Variants in CD8B observed in about 807,000 individuals in gnomAD.
The protein encoded by CD8B is CD8 subunit beta.
A neutral mutation model predicts 24.2 loss-of-function variants in CD8B; 6 were observed. The ratio of observed to expected loss-of-function variants is 0.25; its 90% confidence interval spans 0.14 to 0.49. The LOEUF (loss-of-function observed/expected upper bound fraction) is 0.49, where lower values mean the gene tolerates loss of function less well. Among genes scored for constraint, CD8B ranks in the 20% least tolerant of loss-of-function variants. CD8B has a pLI of 0.98. For synonymous variants in CD8B, 84 were observed against 108.3 expected (o/e 0.78, Z 1.39); for missense variants, 196 against 271.3 (o/e 0.72, Z 1.95).
In CD8B at chr2:86,846,634, C is replaced by T. The variant is rs1003321045; in HGVS notation, c.583+50G>A. On this transcript the variant is annotated intron_variant, in intron 4 of 5. Coordinates refer to ENST00000390655, the MANE Select transcript of CD8B (RefSeq NM_004931.5). ...TAGAGAAGAAAATATCCCAGGGACA[C>T]TTCAAACAGCAAACAGGGACACCCA... The T allele has an allele frequency of 1.7e-5, 15 of 897,634 alleles. No individual in the cohort carries two copies. The Admixed American group carries it at 3.6e-4, about 22-fold the overall frequency. 55.6% of individuals were successfully genotyped at this position (897,634 alleles called of 1,614,324 possible).
In CD8B at chr2:86,818,688, C is replaced by T. The variant is rs577820219; in HGVS notation, c.621-2970G>A. On this transcript the variant is annotated intron_variant, in intron 5 of 5. Coordinates refer to the CD8B transcript ENST00000331469. ...TCCTTCTCCTTAGGCCCCCCTATGCCCTGAGCCACAAAAATATTAAAATTA... is the reference window on the plus strand; with the variant it reads ...TCCTTCTCCTTAGGCCCCCCTATGCTCTGAGCCACAAAAATATTAAAATTA... 7.9e-5 allele frequency among the ~76,000 whole-genome samples: 12 copies of T among 152,264 alleles called. No homozygotes were observed. The South Asian group carries it at 2.5e-3, about 32-fold the overall frequency.
chr2:86,821,929 G>T (rs1189254918), intron 5 of CD8B, among the ~76,000 whole-genome samples: 1 of 152,122 alleles, frequency 6.6e-6, no homozygotes, highest in East Asian at 1.9e-4. Context: ...CTCTGATTTT[G>T]AAGGGCTGGC....
intron 5 of CD8B, among the ~76,000 whole-genome samples, chr2:86,819,238 G>C (rs1045428033): frequency 4.6e-5 from 7 of 152,158 alleles, no homozygotes; most frequent in Admixed American, 6.5e-5. Context: ...CAGCACAGCA[G>C]GTTATCCAAA....
At chr2:86,823,272 AAAAT>A (rs1674547241) in intron 5 of CD8B, among the ~76,000 whole-genome samples, 1 of 152,112 alleles carries the variant, frequency 6.6e-6, no homozygotes, top group African/African-American at 2.4e-5. Context: ...AAACTTAAAA[AAAAT>A]TTTTAATTAA....
In CD8B at chr2:86,841,992, A is replaced by G. The variant is rs1425997032; in HGVS notation, c.*315T>C. 2 of 1,118,000 alleles carry G rather than the reference A, an allele frequency of 1.8e-6. No homozygotes were observed. Among genetic ancestry groups the G allele is most frequent in the African/African-American group, 3.3e-5 (2 of 61,250 alleles). The allele number at this position is 1,118,000 out of a possible 1,614,324, so 69.3% of individuals were successfully genotyped here. The stretch of plus-strand genomic sequence containing the variant: ...AGATGGTGGCTAAATGGCCACCACT[A>G]AAGGTCCCAGTTCAGGGAAAGCACA... On this transcript the variant is annotated 3_prime_UTR_variant, in exon 6 of 6. Transcript: ENST00000390655.
chr2:86,824,677 C>T (rs1674607907), intron 5 of CD8B, among the ~76,000 whole-genome samples: 1 of 152,108 alleles, frequency 6.6e-6, no homozygotes, highest in South Asian at 2.1e-4. Context: ...AGCTCACCAT[C>T]AGAGGTGGAA....
intron 3 of CD8B, among the ~76,000 whole-genome samples, chr2:86,847,794 G>A (rs950429926): frequency 3.3e-5 from 5 of 152,142 alleles, no homozygotes; most frequent in Non-Finnish European, 4.4e-5. Flanking sequence ...TCAATCTCCT[G>A]GCCTCAAGTG....
At position 86,858,246 on chromosome 2, in the gene CD8B, G is replaced by C. The variant is rs1486058695; in HGVS notation, c.214C>G (p.Leu72Val). 6.2e-7 allele frequency: 1 copy of C among 1,613,892 alleles called. No homozygotes were observed. Among genetic ancestry groups the C allele is most frequent in the East Asian group, 2.2e-5 (1 of 44,896 alleles). Residue 72 changes from leucine (L) to valine (V), a missense_variant, in exon 2 of 6, where the codon CTC (leucine) becomes GTC (valine). Coordinates refer to ENST00000390655, the MANE Select transcript of CD8B (RefSeq NM_004931.5). The part of the protein sequence containing the change: ...SSDSHHEFLA[L>V]WDSAKGTIHG... ...ATAGTCCCTTTTGCGGAATCCCAGA[G>C]GGCCAGGAACTCGTGGTGACTGTCA...
intron 5 of CD8B, among the ~76,000 whole-genome samples, chr2:86,830,308 T>C (rs1674857178): frequency 6.6e-6 from 1 of 152,166 alleles, no homozygotes; most frequent in South Asian, 2.1e-4. Flanking sequence ...GGGCCAGGCA[T>C]GGTGGCTCAC....
At chr2:86,856,256 C>G (rs564649068) in intron 2 of CD8B, among the ~76,000 whole-genome samples, 4 of 152,050 alleles carry the variant, frequency 2.6e-5, no homozygotes, top group Non-Finnish European at 4.4e-5. Context: ...GGGATGGAGG[C>G]GGTGGGAAGC....
At position 86,840,765 on chromosome 2, in the gene CD8B, C is replaced by G. The variant is rs1221976990; in HGVS notation, c.*1542G>C. On this transcript the variant is annotated 3_prime_UTR_variant, in exon 6 of 6. Transcript: ENST00000390655. ...GCCAAGGACCTGGACAACTTACACT[C>G]AAGGCCCTCCTTCCGGTAACACTGC... 1.3e-5 allele frequency among the ~76,000 whole-genome samples: 2 copies of G among 152,126 alleles called. No homozygotes were observed. Among genetic ancestry groups the G allele is most frequent in the Non-Finnish European group, 2.9e-5 (2 of 68,022 alleles).
At chr2:86,858,886 T>G (rs2104585408) in intron 1 of CD8B, among the ~76,000 whole-genome samples, 1 of 152,178 alleles carries the variant, frequency 6.6e-6, no homozygotes, top group African/African-American at 2.4e-5. Context: ...GCTGAGAGTA[T>G]AGGCATGTAC....
chr2:86,845,067 TCCCTGGTCCCAGA>T (rs1185383133), intron 4 of CD8B, 109 bp from the exon 5 acceptor site: 1 of 1,457,090 alleles, frequency 6.9e-7, no homozygotes, highest in African/African-American at 1.4e-5. Context: ...TCAGCCCACC[TCCCTGGTCCCAGA>T]CCCTGGCCCA....
intron 2 of CD8B, among the ~76,000 whole-genome samples, chr2:86,853,930 G>A (rs865827084): frequency 2.0e-5 from 3 of 151,966 alleles, no homozygotes; most frequent in East Asian, 1.9e-4. Flanking sequence ...TAGTAGAGAC[G>A]GGGTTTCACC....
At chr2:86,856,666 C>T (rs2104578687) in intron 2 of CD8B, among the ~76,000 whole-genome samples, 1 of 151,788 alleles carries the variant, frequency 6.6e-6, no homozygotes, top group Admixed American at 6.6e-5. Flanking sequence ...TTGGCTCCAG[C>T]CTTGGGCCAA....
intron 3 of CD8B, among the ~76,000 whole-genome samples, chr2:86,850,263 C>T (rs1573519914): frequency 6.6e-6 from 1 of 152,158 alleles, no homozygotes; most frequent in East Asian, 1.9e-4. Flanking sequence ...CCTTCCTCAT[C>T]TTACCGGGGC....
chr2:86,827,563 A>G (rs1487954696), intron 5 of CD8B, among the ~76,000 whole-genome samples: 1 of 151,634 alleles, frequency 6.6e-6, no homozygotes, highest in Non-Finnish European at 1.5e-5. Context: ...CAGAGATTGC[A>G]GTGAGCCGAG....
At chr2:86,832,485 TA>T (rs111687034) in intron 5 of CD8B, among the ~76,000 whole-genome samples, 58,416 of 143,418 alleles carry the variant, frequency 0.41, 11,864 homozygotes, top group African/African-American at 0.49. Context: ...CTCAAAAAAT[TA>T]AAAAAAAAAA....
Position 86,858,102 on chromosome 2 carries a change from C to T in CD8B, c.358G>A (p.Gly120Arg), listed in dbSNP as rs774487455. Reference sequence around the variant, plus strand: ...TTCCCGAAGGTCAGCTCGGGGCTCCCGACGATCATGCAGAAGTAGATGCCA... The same window carrying T: ...TTCCCGAAGGTCAGCTCGGGGCTCCTGACGATCATGCAGAAGTAGATGCCA... ...DSGIYFCMIV[G>R]SPELTFGKGT... Residue 120 changes from glycine to arginine, a missense_variant, in exon 2 of 6, where the codon GGG becomes AGG. Transcript: ENST00000390655. 76 of 1,613,856 alleles carry T rather than the reference C, an allele frequency of 4.7e-5. No individual in the cohort carries two copies. The highest frequency in any genetic ancestry group is 3.3e-4 in the Middle Eastern group (2 of 6,078).
Sources: allele counts gnomAD v4.1 joint callset (sites outside exome capture counted in the v4.1 genomes callset), GRCh38; gene constraint gnomAD v4.1.1; transcripts MANE v1.5; gene names NCBI Gene and HGNC (gene_info 2026-07-23, HGNC 2026-07-21).